LPIN1: variants seen among roughly 807,000 people sequenced by gnomAD.
LPIN1 encodes the protein lipin 1.
LPIN1 carries 71 observed loss-of-function variants against 107.5 expected under a neutral mutation model. The observed-to-expected ratio is 0.66, with a 90% CI of 0.55 to 0.80. The LOEUF (loss-of-function observed/expected upper bound fraction) is 0.80. Ranked by LOEUF, LPIN1 falls within the 30% of genes least tolerant of loss-of-function variation. The probability of loss-of-function intolerance (pLI) is 0.00; values close to 1 mark genes in which losing one functional copy is unlikely to be tolerated. For synonymous variants in LPIN1, 445 were observed against 452.6 expected (o/e 0.98, Z 0.21); for missense variants, 1,043 against 1,160.6 (o/e 0.90, Z 1.47).
Position 11,696,046 on chromosome 2 carries a change from C to CTT in LPIN1, c.82-17691_82-17690dup, listed in dbSNP as rs531347349. On this transcript the variant is annotated intron_variant, in intron 1 of 21. Transcript: ENST00000449576. ...ATGGCTCTGACAGTTGCTGACTCTC[C>CTT]TTTTTTTTTTTTTTTTTTTTAATTT... 3.6e-3 allele frequency among the ~76,000 whole-genome samples: 459 copies of CTT among 126,050 alleles called. 5 individuals are homozygous for CTT. The highest frequency in any genetic ancestry group is 0.013 in the African/African-American group (403 of 30,142). The allele number at this position is 126,050 out of a possible 152,430, so 82.7% of individuals were successfully genotyped here.
In LPIN1 at chr2:11,774,574, T is replaced by C. The variant is rs1260629503; in HGVS notation, c.722+829T>C. ...TGAGAAACGCTGATCTAAATGCCAGTGACATCCTTGGGTTATTCGTATACC... is the reference window on the plus strand; with the variant it reads ...TGAGAAACGCTGATCTAAATGCCAGCGACATCCTTGGGTTATTCGTATACC... On this transcript the variant is annotated intron_variant, in intron 5 of 20. Coordinates refer to ENST00000674199, the MANE Select transcript of LPIN1 (RefSeq NM_001349206.2). This position sits in a 1 kb window ranked among gnomAD's most constrained non-coding sequence, Gnocchi z 4.4. Among the ~76,000 whole-genome samples, 3 of 152,204 alleles carry C rather than the reference T, an allele frequency of 2.0e-5. No homozygotes were observed. The East Asian group carries it at 5.8e-4, about 29-fold the overall frequency.
chr2:11,748,001 G>A (rs1318225157), intron 1 of LPIN1, among the ~76,000 whole-genome samples: 1 of 152,204 alleles, frequency 6.6e-6, no homozygotes, highest in Non-Finnish European at 1.5e-5. Flanking sequence ...ACCCACCCAG[G>A]TCTCGCTTAT....
intron 1 of LPIN1, among the ~76,000 whole-genome samples, chr2:11,686,308 G>A (rs1168069072): frequency 6.6e-6 from 1 of 152,142 alleles, no homozygotes; most frequent in African/African-American, 2.4e-5. Flanking sequence ...CTGTCCCTTT[G>A]AGAAAGCCCT....
At chr2:11,807,077 T>C (rs62114966) in intron 17 of LPIN1, among the ~76,000 whole-genome samples, 38,448 of 152,160 alleles carry the variant, frequency 0.25, 5,862 homozygotes, top group African/African-American at 0.43. Context: ...TAAGCGTTCA[T>C]AGACAATGCT....
chr2:11,805,317 G>C, intron 17 of LPIN1, 161 bp downstream of exon 17: 1 of 686,338 alleles, frequency 1.5e-6, no homozygotes, highest in Non-Finnish European at 2.6e-6. Flanking sequence ...GTGGAGTCCA[G>C]AGTGAAAGTG....
intron 1 of LPIN1, among the ~76,000 whole-genome samples, chr2:11,708,669 G>C (rs1266680645): frequency 6.6e-6 from 1 of 152,128 alleles, no homozygotes; most frequent in Non-Finnish European, 1.5e-5. Context: ...GGCCAGTTAG[G>C]TACCCTTGCT....
At chr2:11,755,600 G>A (rs1245311425) in intron 1 of LPIN1, among the ~76,000 whole-genome samples, 1 of 152,170 alleles carries the variant, frequency 6.6e-6, no homozygotes, top group Non-Finnish European at 1.5e-5. Context: ...GAAAGATAGA[G>A]TTGTGTGGGC....
chr2:11,720,342 G>T (rs1664038935), upstream of LPIN1, among the ~76,000 whole-genome samples: 2 of 152,030 alleles, frequency 1.3e-5, no homozygotes, highest in South Asian at 4.1e-4. Context: ...TAAGGGCCAG[G>T]CACTGCACTA....
At chr2:11,794,624 T>G (rs888369396) in intron 13 of LPIN1, among the ~76,000 whole-genome samples, 9 of 145,598 alleles carry the variant, frequency 6.2e-5, no homozygotes, top group Admixed American at 3.4e-4. Context: ...AGATTTCCTC[T>G]CCTGACGAAA....
intron 1 of LPIN1, among the ~76,000 whole-genome samples, chr2:11,749,616 C>T (rs1667482588): frequency 6.6e-6 from 1 of 152,184 alleles, no homozygotes; most frequent in African/African-American, 2.4e-5. Context: ...CAGACCCAGG[C>T]TGACACTTTT....
chr2:11,760,499 G>C (rs993137621), intron 1 of LPIN1, among the ~76,000 whole-genome samples: 1 of 152,268 alleles, frequency 6.6e-6, no homozygotes, highest in African/African-American at 2.4e-5. Context: ...GGCCAACACA[G>C]TGAAACCCCG....
intron 1 of LPIN1, among the ~76,000 whole-genome samples, chr2:11,687,310 T>A (rs1662058470): frequency 6.6e-6 from 1 of 152,184 alleles, no homozygotes; most frequent in Non-Finnish European, 1.5e-5. Flanking sequence ...TATTACCCAG[T>A]TTTGTTTTTC....
chr2:11,804,306 C>A, intron 15 of LPIN1, 117 bp from the exon 16 acceptor site: 1 of 1,069,646 alleles, frequency 9.3e-7, no homozygotes, highest in Non-Finnish European at 1.4e-6. Context: ...TACAAGGGCC[C>A]AGGGCAGTCA....
At chr2:11,713,313 C>T (rs1451967273) in intron 1 of LPIN1, among the ~76,000 whole-genome samples, 3 of 152,210 alleles carry the variant, frequency 2.0e-5, no homozygotes, top group Non-Finnish European at 4.4e-5. Flanking sequence ...CTCTTTTGCT[C>T]AGGCTGGAGT....
intron 1 of LPIN1, among the ~76,000 whole-genome samples, chr2:11,685,923 T>C (rs1661977874): frequency 6.6e-6 from 1 of 152,178 alleles, no homozygotes; most frequent in African/African-American, 2.4e-5. Context: ...TGCATTCAAT[T>C]GATAGAGCAC....
chr2:11,797,662 G>A (rs1477834433), intron 14 of LPIN1, among the ~76,000 whole-genome samples: 1 of 152,210 alleles, frequency 6.6e-6, no homozygotes, highest in African/African-American at 2.4e-5. Context: ...GGAAACAGGT[G>A]TATTTACCCA....
intron 18 of LPIN1, chr2:11,818,541 C>G (rs1319556797): frequency 6.6e-6 from 1 of 151,924 alleles, no homozygotes; most frequent in Non-Finnish European, 1.5e-5. Flanking sequence ...ACTTGTTAAC[C>G]TTATTAGAGT....
chr2:11,739,728 A>T (rs1345465419), intron 1 of LPIN1, among the ~76,000 whole-genome samples: 1 of 152,384 alleles, frequency 6.6e-6, no homozygotes, highest in Non-Finnish European at 1.5e-5. Flanking sequence ...AAACAAAAAT[A>T]CTGGGCTTGC....
At chr2:11,700,430 G>A (rs1662809057) in intron 1 of LPIN1, among the ~76,000 whole-genome samples, 1 of 151,916 alleles carries the variant, frequency 6.6e-6, no homozygotes, top group South Asian at 2.1e-4. Context: ...CTGACCTCTG[G>A]TCCATTGCAC....
Sources: gnomAD v4.1 joint callset for allele counts (sites outside exome capture counted in the v4.1 genomes callset) on GRCh38, gnomAD v4.1.1 for gene constraint, Gnocchi (gnomAD v3.1) non-coding constraint, MANE v1.5 for transcripts, NCBI Gene and HGNC (gene_info 2026-07-23, HGNC 2026-07-21) for gene names.